The following CNTNAP5 variants were observed in gnomAD, a reference collection of about 807,000 sequenced individuals.
CNTNAP5 encodes the protein contactin-associated protein-like 5.
CNTNAP5 carries 72 observed loss-of-function variants against 150.2 expected under a neutral mutation model. The observed-to-expected ratio is 0.48, with a 90% CI of 0.40 to 0.58. The LOEUF (loss-of-function observed/expected upper bound fraction) is 0.58, where lower values mean the gene tolerates loss of function less well. Among genes scored for constraint, CNTNAP5 ranks in the 20% least tolerant of loss-of-function variants. CNTNAP5 has a pLI of 0.00. For synonymous variants in CNTNAP5, 672 were observed against 619.8 expected, an observed-to-expected ratio of 1.08 and a Z score of -1.25; for missense variants, 1,636 against 1,626.2, an observed-to-expected ratio of 1.01 and a Z score of -0.10.
chr2:124,771,594 G>T (rs1490753342), intron 16 of CNTNAP5, among the ~76,000 whole-genome samples: 1 of 152,006 alleles, frequency 6.6e-6, no homozygotes, highest in Non-Finnish European at 1.5e-5. Context: ...TGCTTAGCAT[G>T]GTGCCTGGCA....
intron 1 of CNTNAP5, among the ~76,000 whole-genome samples, chr2:124,085,613 T>G (rs947203064): frequency 6.6e-6 from 1 of 152,244 alleles, no homozygotes. Context: ...ATGATTGACT[T>G]GAACTCTTTT....
In CNTNAP5 at chr2:124,373,472, AG is replaced by A. The variant is rs531537276; in HGVS notation, c.382-43969del. ...CAATGACAAAGACAAATGAATAAAA[AG>A]GAACTAAAGTGGTGCCACGAGGAGT... On this transcript the variant is annotated intron_variant, in intron 3 of 23. Coordinates refer to ENST00000682447, the MANE Select transcript of CNTNAP5 (RefSeq NM_001367498.1). Among the ~76,000 whole-genome samples, 39 of 152,232 alleles carry A rather than the reference AG, an allele frequency of 2.6e-4. 2 individuals carry two copies. The East Asian group carries it at 5.6e-3, about 22-fold the overall frequency.
At chr2:124,416,384 T>C (rs1245179271) in intron 3 of CNTNAP5, among the ~76,000 whole-genome samples, 1 of 152,046 alleles carries the variant, frequency 6.6e-6, no homozygotes, top group Non-Finnish European at 1.5e-5. Context: ...GATGAGTAGT[T>C]CGTTGTCATT....
At chr2:124,334,457 AAAC>A (rs1180791174) in intron 3 of CNTNAP5, among the ~76,000 whole-genome samples, 1 of 152,166 alleles carries the variant, frequency 6.6e-6, no homozygotes, top group East Asian at 1.9e-4. Context: ...AAGACAGAGG[AAAC>A]AGTGCATATG....
chr2:124,914,054 A>G, intron 23 of CNTNAP5, 38 bp from the exon 24 acceptor site: 1 of 1,509,092 alleles, frequency 6.6e-7, no homozygotes, highest in South Asian at 1.2e-5. Context: ...ATGACTCATG[A>G]CGATTTCCTT....
intron 11 of CNTNAP5, among the ~76,000 whole-genome samples, chr2:124,570,729 C>T (rs1460228301): frequency 6.6e-6 from 1 of 152,014 alleles, no homozygotes; most frequent in African/African-American, 2.4e-5. Flanking sequence ...ATAATGAGAA[C>T]CAGCACAAGC....
chr2:124,336,703 C>A (rs993843602), intron 3 of CNTNAP5, among the ~76,000 whole-genome samples: 12 of 151,946 alleles, frequency 7.9e-5, no homozygotes, highest in Non-Finnish European at 1.2e-4. Flanking sequence ...AGGACATGAA[C>A]TCATCATTTT....
chr2:124,765,780 A>T (rs577645398), intron 16 of CNTNAP5, among the ~76,000 whole-genome samples: 96 of 151,860 alleles, frequency 6.3e-4, no homozygotes, highest in African/African-American at 2.2e-3. Flanking sequence ...ATATGGTGAA[A>T]CCCCGTCGCC....
chr2:124,159,744 T>C (rs927198101), intron 1 of CNTNAP5, among the ~76,000 whole-genome samples: 4 of 152,164 alleles, frequency 2.6e-5, no homozygotes, highest in African/African-American at 9.6e-5. Flanking sequence ...AAGAACCTTG[T>C]GGTCTTGTTT....
At chr2:124,592,006 A>G (rs555312768) in intron 11 of CNTNAP5, among the ~76,000 whole-genome samples, 11 of 152,144 alleles carry the variant, frequency 7.2e-5, no homozygotes, top group Non-Finnish European at 1.3e-4. Context: ...CTTTTCTCTC[A>G]TAGCTATATA....
At chr2:124,204,008 A>T (rs1685798999) in intron 1 of CNTNAP5, among the ~76,000 whole-genome samples, 1 of 152,232 alleles carries the variant, frequency 6.6e-6, no homozygotes, top group African/African-American at 2.4e-5. Flanking sequence ...ATTGTCAGGC[A>T]GGAAATTTTC....
chr2:124,910,367 C>T (rs1161797894), intron 22 of CNTNAP5, among the ~76,000 whole-genome samples: 1 of 152,136 alleles, frequency 6.6e-6, no homozygotes, highest in East Asian at 1.9e-4. Context: ...TGAGCACTTA[C>T]GTTGTATCAG....
intron 12 of CNTNAP5, among the ~76,000 whole-genome samples, chr2:124,635,685 C>A (rs765760731): frequency 9.9e-5 from 15 of 152,020 alleles, no homozygotes; most frequent in Non-Finnish European, 1.9e-4. Flanking sequence ...TGTTCTGAGC[C>A]CCAGTTTCCA....
intron 1 of CNTNAP5, among the ~76,000 whole-genome samples, chr2:124,103,070 C>T (rs1683098750): frequency 6.6e-6 from 1 of 152,098 alleles, no homozygotes; most frequent in African/African-American, 2.4e-5. Flanking sequence ...TGCCTAATGA[C>T]ATCTTGATGA....
At chr2:124,859,625 C>A (rs1677466027) in intron 19 of CNTNAP5, among the ~76,000 whole-genome samples, 1 of 152,126 alleles carries the variant, frequency 6.6e-6, no homozygotes, top group African/African-American at 2.4e-5. Flanking sequence ...TTTATTGCAG[C>A]ACTATTCACA....
chr2:124,246,715 A>G lies in CNTNAP5; in HGVS notation c.381+4322A>G, dbSNP rs75912908. 2.2e-3 allele frequency among the ~76,000 whole-genome samples: 333 copies of G among 152,242 alleles called. 1 individual carries two copies. Among genetic ancestry groups the G allele is most frequent in the African/African-American group, 7.7e-3 (322 of 41,556 alleles). On this transcript the variant is annotated intron_variant, in intron 3 of 23. Coordinates refer to ENST00000682447, the MANE Select transcript of CNTNAP5 (RefSeq NM_001367498.1). ...ACCACAATGTTGAGCCCTTTCCTTC[A>G]TGAGCACAATTCCCACACTGTCAGT...
chr2:124,137,287 C>A (rs931938034), intron 1 of CNTNAP5, among the ~76,000 whole-genome samples: 2 of 128,344 alleles, frequency 1.6e-5, no homozygotes, highest in African/African-American at 5.6e-5. Context: ...TTTATAATGT[C>A]TCTTTTCCTC....
intron 9 of CNTNAP5, among the ~76,000 whole-genome samples, chr2:124,525,140 G>A (rs1694934536): frequency 6.6e-6 from 1 of 152,158 alleles, no homozygotes; most frequent in Non-Finnish European, 1.5e-5. Context: ...TTTTATAAAT[G>A]CATATCTATA....
chr2:124,273,339 A>G (rs1218731512), intron 3 of CNTNAP5, among the ~76,000 whole-genome samples: 1 of 152,178 alleles, frequency 6.6e-6, no homozygotes, highest in Non-Finnish European at 1.5e-5. Context: ...TCTGATATGG[A>G]ACAATAGATG....
Sources: allele counts gnomAD v4.1 joint callset (sites outside exome capture counted in the v4.1 genomes callset), GRCh38; gene constraint gnomAD v4.1.1; transcripts MANE v1.5; gene names NCBI Gene and HGNC (gene_info 2026-07-23, HGNC 2026-07-21).